TSPEAR: variants seen among roughly 807,000 people sequenced by gnomAD.
The protein encoded by TSPEAR is thrombospondin-type laminin G domain and EAR repeat-containing protein.
A neutral mutation model predicts 71.6 loss-of-function variants in TSPEAR; 69 were observed. That is an observed-to-expected ratio of 0.96 (90% confidence interval 0.79 to 1.18). The LOEUF is 1.18. TSPEAR is among the 50% of genes most tolerant of loss of function. TSPEAR has a pLI of 0.00. For synonymous variants in TSPEAR, 402 were observed against 387.2 expected (o/e 1.04, Z -0.45); for missense variants, 971 against 894.9 (o/e 1.09, Z -1.09).
chr21:44,580,029 T>G (rs1202149724), intron 1 of TSPEAR: 34 of 1,594,200 alleles, frequency 2.1e-5, no homozygotes, highest in Non-Finnish European at 2.7e-5. Flanking sequence ...CAGATGGGTT[T>G]GCAGCAGACA....
intron 1 of TSPEAR, among the ~76,000 whole-genome samples, chr21:44,594,822 ATTT>A (rs34221889): frequency 0.023 from 2,939 of 125,472 alleles, 107 homozygotes; most frequent in African/African-American, 0.088. Flanking sequence ...CGGATCTGTG[ATTT>A]TTTTTTTTTT....
intron 1 of TSPEAR, chr21:44,698,107 C>T (rs1466297360): frequency 3.6e-6 from 3 of 824,366 alleles, no homozygotes; most frequent in Non-Finnish European, 5.6e-6. Context: ...CCTGGGGGCT[C>T]CTGCTAAGCT....
Position 44,628,587 on chromosome 21 carries a change from C to T in TSPEAR, c.83-60582G>A, listed in dbSNP as rs1555935132. On this transcript the variant is annotated intron_variant, in intron 1 of 11. Transcript: ENST00000323084. The stretch of plus-strand genomic sequence containing the variant: ...TCCCAGGTCCTGTGGGGCCCAAAAG[C>T]CTTGTTCACTGGCTGAGTCCCACAG... Among the ~76,000 whole-genome samples the T allele has an allele frequency of 2.0e-5, 3 of 152,098 alleles. No homozygotes were observed. The East Asian group carries it at 5.8e-4, about 29-fold the overall frequency.
chr21:44,586,893 G>GTAA (rs1380808734), intron 1 of TSPEAR, among the ~76,000 whole-genome samples: 1 of 152,140 alleles, frequency 6.6e-6, no homozygotes, highest in Non-Finnish European at 1.5e-5. Flanking sequence ...ATACCTCAAT[G>GTAA]TAATAAAAGC....
chr21:44,565,309 T>C (rs1423714025), intron 2 of TSPEAR, among the ~76,000 whole-genome samples: 1 of 152,162 alleles, frequency 6.6e-6, no homozygotes, highest in Non-Finnish European at 1.5e-5. Context: ...AAACCAATTC[T>C]TCACAAACCC....
At chr21:44,602,961 A>G (rs1432162574) in intron 1 of TSPEAR, among the ~76,000 whole-genome samples, 1 of 151,928 alleles carries the variant, frequency 6.6e-6, no homozygotes, top group African/African-American at 2.4e-5. Flanking sequence ...CCTGACACAG[A>G]CCCCAAGCTG....
At chr21:44,511,519 C>T (rs587604499) in intron 9 of TSPEAR, among the ~76,000 whole-genome samples, 1 of 152,336 alleles carries the variant, frequency 6.6e-6, no homozygotes, top group Non-Finnish European at 1.5e-5. Context: ...CATCTGTGTC[C>T]ATGTGCATAT....
At chr21:44,505,959 C>T (rs2052189175) in intron 10 of TSPEAR, among the ~76,000 whole-genome samples, 1 of 152,156 alleles carries the variant, frequency 6.6e-6, no homozygotes. Context: ...AGCTTGGTTT[C>T]CCGCTCTGGA....
rs147187256 is a variant in TSPEAR, at chr21:44,617,776, C to T, written c.83-49771G>A. Among the ~76,000 whole-genome samples, 503 of 152,372 alleles carry T rather than the reference C, an allele frequency of 3.3e-3. 6 individuals carry two copies. The highest frequency in any genetic ancestry group is 0.011 in the African/African-American group (471 of 41,590). On this transcript the variant is annotated intron_variant, in intron 1 of 11. Transcript: ENST00000323084. ...GTGAACACGCTGCACTTGATGTCTG[C>T]AACACCAGGTGGATGGCACTGAATG...
rs148471285 is a variant in TSPEAR, at chr21:44,522,111, G to T, written c.1338C>A (p.Gly446=). The stretch of plus-strand genomic sequence containing the variant: ...TGACACTGTCGATGTTGTGGTTGTC[G>T]CCTGGAACCAAGGGACTGTGCTGGG... ...HFLAVANHRE[G]DNHNIDSVIY... Residue 446 remains glycine (G), a splice_region_variant and synonymous_variant, in exon 9 of 12, where the codon GGC becomes GGA. Coordinates refer to ENST00000323084, the MANE Select transcript of TSPEAR (RefSeq NM_144991.3). 1.1e-5 allele frequency: 17 copies of T among 1,613,720 alleles called. No individual in the cohort carries two copies. The highest frequency in any genetic ancestry group is 2.2e-5 in the South Asian group (2 of 91,034).
intron 1 of TSPEAR, among the ~76,000 whole-genome samples, chr21:44,604,439 T>G (rs1178897437): frequency 6.6e-6 from 1 of 152,094 alleles, no homozygotes; most frequent in African/African-American, 2.4e-5. Context: ...TCACCTACCA[T>G]CGAGACACCA....
At chr21:44,676,852 A>C in intron 1 of TSPEAR, 1 of 948,958 alleles carries the variant, frequency 1.1e-6, no homozygotes, top group Admixed American at 1.7e-5. Flanking sequence ...GGCTAATGTG[A>C]TGTGCTGCTT....
At chr21:44,518,507 C>CACCTCACTTTGTGATTTA (rs1359237745) in intron 9 of TSPEAR, 1 of 394,654 alleles carries the variant, frequency 2.5e-6, no homozygotes, top group Non-Finnish European at 5.3e-6. Flanking sequence ...TTTCTCTTGT[C>CACCTCACTTTGTGATTTA]ACCTCACTTT....
intron 1 of TSPEAR, among the ~76,000 whole-genome samples, chr21:44,662,713 C>A (rs920417291): frequency 1.2e-4 from 19 of 152,100 alleles, no homozygotes; most frequent in Admixed American, 3.3e-4. Flanking sequence ...CTATATTGTG[C>A]CATAAAATAA....
chr21:44,531,165 T>G, intron 3 of TSPEAR, 32 bp from the exon 4 acceptor site: 1 of 1,574,204 alleles, frequency 6.4e-7, no homozygotes. Context: ...GTTAGGGCCA[T>G]AGGAGAGTGG....
At chr21:44,512,507 C>G (rs1273791741) in intron 9 of TSPEAR, among the ~76,000 whole-genome samples, 1 of 152,014 alleles carries the variant, frequency 6.6e-6, no homozygotes, top group Admixed American at 6.6e-5. Context: ...GGGTGGCACA[C>G]GGGCTGCTGT....
At chr21:44,689,545 A>G (rs892646198) in intron 1 of TSPEAR, among the ~76,000 whole-genome samples, 8 of 151,236 alleles carry the variant, frequency 5.3e-5, no homozygotes, top group African/African-American at 1.9e-4. Flanking sequence ...GATATTCAGG[A>G]AGATGTTACA....
chr21:44,660,724 T>C (rs1985439230), intron 1 of TSPEAR, among the ~76,000 whole-genome samples: 1 of 152,180 alleles, frequency 6.6e-6, no homozygotes, highest in African/African-American at 2.4e-5. Context: ...CCCAGCACTT[T>C]GGGAGGCCGA....
chr21:44,539,272 G>C, intron 2 of TSPEAR: 2 of 1,598,786 alleles, frequency 1.3e-6, no homozygotes, highest in East Asian at 4.5e-5. Context: ...GTGCCCATCA[G>C]CAGCTGGACT....
Sources: allele counts gnomAD v4.1 joint callset (sites outside exome capture counted in the v4.1 genomes callset), GRCh38; gene constraint gnomAD v4.1.1; transcripts MANE v1.5; gene names NCBI Gene and HGNC (gene_info 2026-07-23, HGNC 2026-07-21).